The following TM9SF1 variants were observed in gnomAD, a reference collection of about 807,000 sequenced individuals.
TM9SF1 encodes MP70 protein family member.
A neutral mutation model predicts 52.4 loss-of-function variants in TM9SF1; 25 were observed. That is an observed-to-expected ratio of 0.48 (90% confidence interval 0.35 to 0.67). The LOEUF (loss-of-function observed/expected upper bound fraction) is 0.67. Ranked by LOEUF, TM9SF1 falls within the 30% of genes least tolerant of loss-of-function variation. The pLI is 0.01. For synonymous variants in TM9SF1, 284 were observed against 299.8 expected, an observed-to-expected ratio of 0.95 and a Z score of 0.55; for missense variants, 604 against 780.3, an observed-to-expected ratio of 0.77 and a Z score of 2.69.
intron 4 of TM9SF1, among the ~76,000 whole-genome samples, chr14:24,191,532 A>T (rs902661493): frequency 1.3e-5 from 2 of 152,220 alleles, no homozygotes; most frequent in African/African-American, 4.8e-5. Context: ...TACAAGTCAG[A>T]CTGCTGAAAC....
intron 2 of TM9SF1, among the ~76,000 whole-genome samples, chr14:24,193,947 C>T (rs1324026329): frequency 6.6e-6 from 1 of 151,156 alleles, no homozygotes; most frequent in East Asian, 2.0e-4. Context: ...GCTGGGATTA[C>T]AGGAGTGAGC....
In TM9SF1 at chr14:24,194,998, G is replaced by A. The variant is rs770449240; in HGVS notation, c.22C>T (p.Arg8Ter). The A allele has an allele frequency of 6.2e-7, 1 of 1,613,988 alleles. No homozygotes were observed. The highest frequency in any genetic ancestry group is 8.5e-7 in the Non-Finnish European group (1 of 1,179,986). The part of the protein sequence containing the change: MTVVGNP[R>*]SWSCQWLPIL... ...GGCAACCACTGGCAGCTCCAACTTC[G>A]AGGGTTCCCTACGACTGTCATCCTT... Residue 8 changes from arginine to a stop codon, truncating the protein, a stop_gained, in exon 2 of 6, where the codon CGA (arginine) becomes TGA (stop). Coordinates refer to ENST00000261789, the MANE Select transcript of TM9SF1 (RefSeq NM_006405.7). LOFTEE classifies it high-confidence loss of function.
chr14:24,192,464 A>C lies in TM9SF1; in HGVS notation c.968-108T>G. On this transcript the variant is annotated intron_variant, in intron 3 of 5. Coordinates refer to ENST00000261789, the MANE Select transcript of TM9SF1 (RefSeq NM_006405.7). The surrounding 1 kb of genome is among the most constrained non-coding windows in gnomAD (Gnocchi z 4.0). Reference sequence around the variant, plus strand: ...CCAGACCCAGGGCCTCCAGCAAAACAATCTCCCCCAGTTTTGCTATCCAGA... The same window carrying C: ...CCAGACCCAGGGCCTCCAGCAAAACCATCTCCCCCAGTTTTGCTATCCAGA... 7.1e-7 allele frequency: 1 copy of C among 1,403,440 alleles called. No homozygotes were observed. Among genetic ancestry groups the C allele is most frequent in the Non-Finnish European group, 9.7e-7 (1 of 1,033,814 alleles). The allele number at this position is 1,403,440 out of a possible 1,614,324, so 86.9% of individuals were successfully genotyped here.
intron 4 of TM9SF1, among the ~76,000 whole-genome samples, chr14:24,191,235 A>G (rs1475570875): frequency 6.6e-6 from 1 of 152,198 alleles, no homozygotes; most frequent in Admixed American, 6.5e-5. Context: ...GCTACTACAT[A>G]ATCTGAGAGT....
chr14:24,192,418 G>C lies in TM9SF1; in HGVS notation c.968-62C>G. The C allele has an allele frequency of 6.4e-7, 1 of 1,553,468 alleles. No individual in the cohort carries two copies. Among genetic ancestry groups the C allele is most frequent in the Non-Finnish European group, 8.8e-7 (1 of 1,140,340 alleles). ...ACCTGTGTCTCTTCTAGCAATTTCA[G>C]AGGAATCAGCCCCCCTTCTCCCAGA... On this transcript the variant is annotated intron_variant, in intron 3 of 5. Coordinates refer to ENST00000261789, the MANE Select transcript of TM9SF1 (RefSeq NM_006405.7). This position sits in a 1 kb window ranked among gnomAD's most constrained non-coding sequence, Gnocchi z 4.0.
chr14:24,190,170 G>T, intron 5 of TM9SF1: 1 of 1,379,748 alleles, frequency 7.2e-7, no homozygotes, highest in Non-Finnish European at 9.3e-7. Context: ...GGTGAAGGGG[G>T]AAATGTCTCC....
In TM9SF1 at chr14:24,190,569, A is replaced by T; in HGVS notation, c.1238T>A (p.Leu413Gln). 2.5e-6 allele frequency: 4 copies of T among 1,614,226 alleles called. No homozygotes were observed. The highest frequency in any genetic ancestry group is 3.4e-6 in the Non-Finnish European group (4 of 1,180,042). The change falls in exon 5 of 6, where the codon CTG (leucine) becomes CAG (glutamine). Residue 413 changes from leucine to glutamine, a missense_variant. Physicochemically the swap from Leu to Gln is moderately radical, Grantham distance 113. Around this residue, in one of 3 missense-constraint regions of TM9SF1, gnomAD observed 450 missense variants for 560.1 expected, o/e 0.80. Coordinates refer to ENST00000261789, the MANE Select transcript of TM9SF1 (RefSeq NM_006405.7). ...CAGCAGCCAAACCGTCAGAAGCAGC[A>T]GGATGGTTGTGGCTGGCAGAGCCTG... ...STQALPATTI[L>Q]LLLTVWLLVG...
Position 24,189,821 on chromosome 14 carries a change from G to A in TM9SF1, c.1428-13C>T, listed in dbSNP as rs368589838. ...CACAGAGATGGCACTGTGAAGAAAA[G>A]AGATGATACACAGCATTAAAGGGCT... On this transcript the variant is annotated splice_polypyrimidine_tract_variant and intron_variant, in intron 5 of 5. Transcript: ENST00000261789. 5.3e-5 allele frequency: 84 copies of A among 1,592,508 alleles called. No individual in the cohort carries two copies. The highest frequency in any genetic ancestry group is 6.9e-5 in the Non-Finnish European group (80 of 1,166,806).
At chr14:24,190,860 T>TTC (rs2039312726) in intron 4 of TM9SF1, among the ~76,000 whole-genome samples, 1 of 130,378 alleles carries the variant, frequency 7.7e-6, no homozygotes, top group African/African-American at 3.0e-5. Flanking sequence ...TGTTTTTTTT[T>TTC]TTTTTTTTTT....
chr14:24,189,912 T>C, intron 5 of TM9SF1, 104 bp from the exon 6 acceptor site: 1 of 1,459,036 alleles, frequency 6.9e-7, no homozygotes, highest in Non-Finnish European at 9.1e-7. Flanking sequence ...TGCTGGGTCA[T>C]TGTGAAAAGT....
At position 24,190,649 on chromosome 14, in the gene TM9SF1, A is replaced by T. The variant is rs1037527597; in HGVS notation, c.1158T>A (p.Pro386=). Residue 386 remains proline, a synonymous_variant, in exon 5 of 6, where the codon CCT becomes CCA. Transcript: ENST00000261789. ...IILTTSLFSV[P]FFLTWSVVNS... is the part of the protein sequence containing the mutation. ...TCACCACACTCCACGTCAGGAAGAA[A>T]GGCACTGCAGGGATGGGCCCCCGGA... 3.1e-6 allele frequency: 5 copies of T among 1,609,218 alleles called. No individual in the cohort carries two copies. Among genetic ancestry groups the T allele is most frequent in the Admixed American group, 3.3e-5 (2 of 59,782 alleles).
intron 5 of TM9SF1, chr14:24,190,055 T>C (rs571801469): frequency 2.2e-6 from 3 of 1,359,586 alleles, no homozygotes; most frequent in Admixed American, 6.6e-5. Flanking sequence ...TATTCCACTT[T>C]ATTCTTTGCC....
rs1356071491 is a variant in TM9SF1, at chr14:24,192,597, A to G, written c.967+51T>C. The G allele has an allele frequency of 1.3e-6, 2 of 1,525,420 alleles. No homozygotes were observed. The highest frequency in any genetic ancestry group is 1.8e-6 in the Non-Finnish European group (2 of 1,138,718). The allele number at this position is 1,525,420 out of a possible 1,614,324, so 94.5% of individuals were successfully genotyped here. ...CAGACCTTTTCTGAACAAACTCCCTACCTAGTTCTATCCCATGAGATAAAT... is the reference window on the plus strand; with the variant it reads ...CAGACCTTTTCTGAACAAACTCCCTGCCTAGTTCTATCCCATGAGATAAAT... On this transcript the variant is annotated intron_variant, in intron 3 of 5. Coordinates refer to ENST00000261789, the MANE Select transcript of TM9SF1 (RefSeq NM_006405.7). The surrounding 1 kb of genome is among the most constrained non-coding windows in gnomAD (Gnocchi z 4.0).
intron 2 of TM9SF1, among the ~76,000 whole-genome samples, chr14:24,193,836 C>T (rs1252627452): frequency 6.6e-6 from 1 of 151,410 alleles, no homozygotes; most frequent in Non-Finnish European, 1.5e-5. Flanking sequence ...AGGAGAATGG[C>T]GTGAACCCGG....
At chr14:24,191,196 C>T (rs1236705890) in intron 4 of TM9SF1, among the ~76,000 whole-genome samples, 1 of 152,142 alleles carries the variant, frequency 6.6e-6, no homozygotes, top group East Asian at 1.9e-4. Flanking sequence ...ACACCATCCC[C>T]CAACCCGGTG....
chr14:24,189,862 A>T (rs1028632495), intron 5 of TM9SF1, 54 bp from the exon 6 acceptor site: 1 of 1,522,758 alleles, frequency 6.6e-7, no homozygotes, highest in Non-Finnish European at 8.8e-7. Flanking sequence ...CCATCAGCAC[A>T]GTGGCTGGGC....
intron 5 of TM9SF1, 22 bp downstream of exon 5, chr14:24,190,358 C>A: frequency 6.5e-7 from 1 of 1,549,618 alleles, no homozygotes; most frequent in Non-Finnish European, 8.7e-7. Context: ...ACAGTAATAG[C>A]CATGGAATAA....
In TM9SF1 at chr14:24,189,468, A is replaced by G. The variant is rs951798049; in HGVS notation, c.1768T>C (p.Phe590Leu). 3 of 1,614,046 alleles carry G rather than the reference A, an allele frequency of 1.9e-6. No homozygotes were observed. The highest frequency in any genetic ancestry group is 2.5e-6 in the Non-Finnish European group (3 of 1,180,030). Residue 590 changes from phenylalanine (F) to leucine (L), a missense_variant, in exon 6 of 6, where the codon TTT becomes CTT. Phe to Leu is a conservative substitution (Grantham distance 22). Coordinates refer to ENST00000261789, the MANE Select transcript of TM9SF1 (RefSeq NM_006405.7). ...TACCGGATGAACTTTAGGGAAGAAA[A>G]AAAGGAGATGGTGCCCAGCATGAGG... is the stretch of plus-strand genomic sequence containing the variant. Reference protein sequence around the residue: ...FFLMLGTISFFSSLKFIRYIY... With the variant: ...FFLMLGTISFLSSLKFIRYIY...
At position 24,190,664 on chromosome 14, in the gene TM9SF1, G is replaced by C; in HGVS notation, c.1154-11C>G. On this transcript the variant is annotated splice_polypyrimidine_tract_variant and intron_variant, in intron 4 of 5. Coordinates refer to ENST00000261789, the MANE Select transcript of TM9SF1 (RefSeq NM_006405.7). ...TCAGGAAGAAAGGCACTGCAGGGAT[G>C]GGCCCCCGGAGGGAGGGTCAACACT... 6.2e-7 allele frequency: 1 copy of C among 1,601,778 alleles called. No homozygotes were observed. Among genetic ancestry groups the C allele is most frequent in the Non-Finnish European group, 8.5e-7 (1 of 1,171,964 alleles).
Sources: gnomAD v4.1 joint callset for allele counts (sites outside exome capture counted in the v4.1 genomes callset) on GRCh38, gnomAD v4.1.1 for gene constraint, gnomAD v4.1.1 regional missense constraint, Gnocchi (gnomAD v3.1) non-coding constraint, MANE v1.5 for transcripts, NCBI Gene and HGNC (gene_info 2026-07-23, HGNC 2026-07-21) for gene names.